PARD3: variants seen among roughly 807,000 people sequenced by gnomAD.
PARD3 encodes the protein partitioning defective 3 homolog.
A neutral mutation model predicts 155.4 loss-of-function variants in PARD3; 75 were observed. That is an observed-to-expected ratio of 0.48 (90% CI 0.40 to 0.58). PARD3 has a LOEUF of 0.58. Ranked by LOEUF, PARD3 falls within the 20% of genes least tolerant of loss-of-function variation. The pLI is 0.00. For synonymous variants in PARD3, 576 were observed against 610.5 expected (o/e 0.94, Z 0.83); for missense variants, 1,642 against 1,721.7 (o/e 0.95, Z 0.82).
chr10:34,170,506 T>G (rs937288442), intron 22 of PARD3, among the ~76,000 whole-genome samples: 3 of 152,174 alleles, frequency 2.0e-5, no homozygotes, highest in African/African-American at 7.2e-5. Flanking sequence ...AAGACTGGCA[T>G]GTAAACAGTT....
chr10:34,411,919 CGTGTGTGTGTGTGTGTGTGTGTGT>C (rs61517279), intron 5 of PARD3, among the ~76,000 whole-genome samples: 1 of 141,070 alleles, frequency 7.1e-6, no homozygotes, highest in African/African-American at 2.6e-5. Context: ...ATAAGCTAGT[CGTGTGTGTGTGTGTGTGTGTGTGT>C]GTGTGTGTGT....
At chr10:34,145,214 TATATA>T (rs1381506391) in intron 22 of PARD3, among the ~76,000 whole-genome samples, 4 of 80,028 alleles carry the variant, frequency 5.0e-5, no homozygotes, top group East Asian at 2.9e-4. Context: ...TATATATATA[TATATA>T]TATTTTTTTT....
At chr10:34,812,182 A>C (rs1444842916) in intron 1 of PARD3, among the ~76,000 whole-genome samples, 1 of 152,184 alleles carries the variant, frequency 6.6e-6, no homozygotes, top group African/African-American at 2.4e-5. Context: ...TAGCCCCACC[A>C]CACCAGAAAA....
At chr10:34,386,880 T>A (rs1000750148) in intron 7 of PARD3, among the ~76,000 whole-genome samples, 1 of 151,102 alleles carries the variant, frequency 6.6e-6, no homozygotes, top group Admixed American at 6.6e-5. Context: ...GGAAGATTAA[T>A]ACAAGAAATT....
At chr10:34,145,221 A>ATATAT (rs1491430560) in intron 22 of PARD3, among the ~76,000 whole-genome samples, 1 of 33,972 alleles carries the variant, frequency 2.9e-5, no homozygotes, top group African/African-American at 1.4e-4. Context: ...ATATATATAT[A>ATATAT]TTTTTTTTTT....
chr10:34,513,409 T>C (rs1032714129), intron 3 of PARD3, among the ~76,000 whole-genome samples: 2 of 152,044 alleles, frequency 1.3e-5, no homozygotes, highest in Non-Finnish European at 2.9e-5. Context: ...GCCTTCCGAG[T>C]AGCTGGGACT....
intron 2 of PARD3, among the ~76,000 whole-genome samples, chr10:34,652,827 T>C (rs2093052532): frequency 6.6e-6 from 1 of 152,192 alleles, no homozygotes; most frequent in Non-Finnish European, 1.5e-5. Flanking sequence ...TCTTTAGTTA[T>C]AAGAAGGAGC....
At chr10:34,721,962 G>A (rs2094613678) in intron 1 of PARD3, among the ~76,000 whole-genome samples, 1 of 152,140 alleles carries the variant, frequency 6.6e-6, no homozygotes, top group African/African-American at 2.4e-5. Flanking sequence ...CAGATCGCTT[G>A]AGTCCAGGAG....
intron 12 of PARD3, among the ~76,000 whole-genome samples, chr10:34,370,818 G>GTA (rs1840519969): frequency 6.7e-6 from 1 of 148,940 alleles, no homozygotes; most frequent in African/African-American, 2.5e-5. Flanking sequence ...GTGTGTGTGT[G>GTA]TGTGTGTGTG....
chr10:34,384,438 C>A (rs1842146232), intron 7 of PARD3, among the ~76,000 whole-genome samples, 184 bp from the exon 8 acceptor site: 1 of 152,168 alleles, frequency 6.6e-6, no homozygotes, highest in Admixed American at 6.5e-5. Context: ...TGTAAAAATG[C>A]ATCCCTTCCA....
chr10:34,569,243 T>TA (rs1343565926), intron 2 of PARD3, among the ~76,000 whole-genome samples: 1 of 152,028 alleles, frequency 6.6e-6, no homozygotes, highest in African/African-American at 2.4e-5. Flanking sequence ...TTCAACAGAA[T>TA]AATGAGGGTT....
intron 1 of PARD3, among the ~76,000 whole-genome samples, chr10:34,736,036 T>C (rs955870237): frequency 3.3e-5 from 5 of 152,202 alleles, no homozygotes; most frequent in Admixed American, 6.5e-5. Flanking sequence ...TTACTTTTTT[T>C]TTTCTTTCTT....
intron 1 of PARD3, among the ~76,000 whole-genome samples, chr10:34,803,742 G>A (rs564423486): frequency 5.9e-5 from 9 of 152,084 alleles, no homozygotes; most frequent in East Asian, 3.9e-4. Flanking sequence ...GGTGGAGGTC[G>A]CAGTGAGCCG....
At chr10:34,150,533 C>T (rs190306477) in intron 22 of PARD3, among the ~76,000 whole-genome samples, 1 of 152,108 alleles carries the variant, frequency 6.6e-6, no homozygotes, top group African/African-American at 2.4e-5. Flanking sequence ...CTCATGAAGT[C>T]GGGATCTCGT....
chr10:34,677,099 T>C (rs1394704643), intron 2 of PARD3, among the ~76,000 whole-genome samples: 2 of 152,224 alleles, frequency 1.3e-5, no homozygotes. Context: ...GAAGGAAGTA[T>C]GTTACATATA....
At chr10:34,453,207 A>G (rs1286127685) in intron 4 of PARD3, among the ~76,000 whole-genome samples, 1 of 152,122 alleles carries the variant, frequency 6.6e-6, no homozygotes, top group Non-Finnish European at 1.5e-5. Flanking sequence ...TGTACTTCCA[A>G]CATCATTTCT....
At chr10:34,232,237 AC>A (rs1952971511) in intron 22 of PARD3, among the ~76,000 whole-genome samples, 1 of 152,100 alleles carries the variant, frequency 6.6e-6, no homozygotes, top group Non-Finnish European at 1.5e-5. Flanking sequence ...GATAAAACTC[AC>A]AAAATGTTTC....
intron 20 of PARD3, among the ~76,000 whole-genome samples, chr10:34,294,848 G>C (rs923357990): frequency 9.2e-5 from 14 of 152,122 alleles, no homozygotes; most frequent in Admixed American, 6.5e-5. Flanking sequence ...AAAGGGACTA[G>C]AGGTCACATA....
chr10:34,180,784 G>T (rs2799456), intron 22 of PARD3, among the ~76,000 whole-genome samples: 27,249 of 152,012 alleles, frequency 0.18, 2,816 homozygotes, highest in Middle Eastern at 0.32. Flanking sequence ...TGTCTTGCTG[G>T]GAGGAGGAGT....
Sources: gnomAD v4.1 joint callset for allele counts (sites outside exome capture counted in the v4.1 genomes callset) on GRCh38, gnomAD v4.1.1 for gene constraint, MANE v1.5 for transcripts, NCBI Gene and HGNC (gene_info 2026-07-23, HGNC 2026-07-21) for gene names.